LRGUK: variants seen among roughly 807,000 people sequenced by gnomAD.
LRGUK encodes leucine-rich repeat and guanylate kinase domain-containing protein.
A neutral mutation model predicts 76.0 loss-of-function variants in LRGUK; 65 were observed. The ratio of observed to expected loss-of-function variants is 0.85; its 90% CI spans 0.70 to 1.05. The LOEUF is 1.05. LRGUK is among the 50% of genes least tolerant of loss of function. The pLI, the probability that LRGUK is intolerant of heterozygous loss-of-function variation, is 0.00. For synonymous variants in LRGUK, 268 were observed against 265.6 expected (o/e 1.01, Z -0.09); for missense variants, 758 against 732.8 (o/e 1.03, Z -0.40).
the LRGUK span, among the ~76,000 whole-genome samples, chr7:134,276,175 A>G: frequency 6.6e-6 from 1 of 152,384 alleles, no homozygotes; most frequent in South Asian, 2.1e-4. Context: ...CATTAAATAC[A>G]GTCTTGAGTT....
intron 5 of LRGUK, among the ~76,000 whole-genome samples, chr7:134,156,080 A>C (rs1446146627): frequency 6.6e-6 from 1 of 152,242 alleles, no homozygotes; most frequent in African/African-American, 2.4e-5. Flanking sequence ...CTCTCTCAGT[A>C]GTATAAAAGT....
downstream of LRGUK, among the ~76,000 whole-genome samples, chr7:134,214,814 A>T (rs1801394024): frequency 1.4e-5 from 2 of 140,880 alleles, no homozygotes; most frequent in Admixed American, 7.3e-5. Flanking sequence ...ACACACACAC[A>T]CTTTGAAGAG....
At chr7:134,225,664 G>A (rs764715002) in intron 16 of LRGUK, among the ~76,000 whole-genome samples, 4 of 152,166 alleles carry the variant, frequency 2.6e-5, no homozygotes, top group Non-Finnish European at 4.4e-5. Flanking sequence ...ATATATGTGG[G>A]TGAATTCACC....
exon 7 of LRGUK, chr7:134,163,518 T>C (rs367931004): frequency 6.2e-7 from 1 of 1,612,574 alleles, no homozygotes. Flanking sequence ...CTCCTGGAAG[T>C]GATCAACCTG....
intron 4 of LRGUK, among the ~76,000 whole-genome samples, chr7:134,144,140 A>C (rs182845060): frequency 1.3e-5 from 2 of 152,034 alleles, no homozygotes; most frequent in African/African-American, 4.8e-5. Flanking sequence ...TCTCACCACA[A>C]CTTCAGCCTC....
intron 19 of LRGUK, among the ~76,000 whole-genome samples, chr7:134,258,665 C>T (rs1229336912): frequency 2.0e-5 from 3 of 151,658 alleles, no homozygotes; most frequent in Non-Finnish European, 2.9e-5. Flanking sequence ...CACTACTGCA[C>T]TCCTGGGTAA....
intron 2 of LRGUK, among the ~76,000 whole-genome samples, chr7:134,137,782 C>T (rs959455047): frequency 2.6e-5 from 4 of 151,886 alleles, no homozygotes; most frequent in African/African-American, 7.3e-5. Flanking sequence ...CAATTTAAGT[C>T]GTTGTGCCTC....
At chr7:134,267,456 TC>T (rs1802875675), downstream of LRGUK, among the ~76,000 whole-genome samples, 1 of 152,162 alleles carries the variant, frequency 6.6e-6, no homozygotes, top group South Asian at 2.1e-4. Flanking sequence ...CCCACTATAA[TC>T]TCATCTTGAA....
downstream of LRGUK, among the ~76,000 whole-genome samples, chr7:134,268,242 G>T (rs1245518432): frequency 3.3e-5 from 5 of 151,894 alleles, no homozygotes; most frequent in Non-Finnish European, 7.4e-5. Context: ...AGATGAAGAT[G>T]ATATATTTTA....
the LRGUK span, among the ~76,000 whole-genome samples, chr7:134,274,719 G>A: frequency 1.3e-5 from 2 of 152,110 alleles, no homozygotes; most frequent in Admixed American, 1.3e-4. Context: ...CAATGGAAAA[G>A]AGTCCTTTTT....
chr7:134,153,164 A>T (rs1295166536), intron 5 of LRGUK, among the ~76,000 whole-genome samples: 2 of 152,114 alleles, frequency 1.3e-5, no homozygotes, highest in African/African-American at 4.8e-5. Context: ...GTAAAAATTT[A>T]AAAACCTGAA....
intron 13 of LRGUK, among the ~76,000 whole-genome samples, chr7:134,197,615 C>T (rs936678449): frequency 6.6e-6 from 1 of 152,098 alleles, no homozygotes; most frequent in Non-Finnish European, 1.5e-5. Context: ...GATGTGTGGG[C>T]TGTGCTGCCA....
intron 10 of LRGUK, 63 bp from the exon 11 acceptor site, chr7:134,183,671 A>G: frequency 6.3e-7 from 1 of 1,596,776 alleles, no homozygotes; most frequent in Non-Finnish European, 8.6e-7. Context: ...GGCCTAATGG[A>G]TGTAGTTAAT....
intron 15 of LRGUK, among the ~76,000 whole-genome samples, chr7:134,206,230 A>G (rs924529880): frequency 2.6e-5 from 4 of 152,234 alleles, no homozygotes; most frequent in East Asian, 3.8e-4. Context: ...TTTAAAATAC[A>G]TATCAGCCAG....
intron 7 of LRGUK, among the ~76,000 whole-genome samples, chr7:134,172,850 G>A (rs891103945): frequency 2.0e-5 from 3 of 152,004 alleles, no homozygotes; most frequent in South Asian, 2.1e-4. Context: ...GCTTGGCAGT[G>A]CACACTTGTA....
downstream of LRGUK, among the ~76,000 whole-genome samples, chr7:134,269,333 T>C (rs957572891): frequency 2.0e-5 from 3 of 150,866 alleles, no homozygotes; most frequent in South Asian, 6.3e-4. Context: ...GAGAACATAC[T>C]CTATATGATT....
chr7:134,276,322 G>A, the LRGUK span, among the ~76,000 whole-genome samples: 1 of 152,226 alleles, frequency 6.6e-6, no homozygotes, highest in African/African-American at 2.4e-5. Flanking sequence ...ATTATAGAAT[G>A]ATTCACTGTG....
At chr7:134,258,535 T>TA (rs1227917642) in intron 19 of LRGUK, 130 bp downstream of exon 19, 1 of 806,764 alleles carries the variant, frequency 1.2e-6, no homozygotes, top group Non-Finnish European at 1.8e-6. Context: ...CCATCTCTAC[T>TA]AAAAATACAA....
At chr7:134,161,019 C>G (rs1401536492) in intron 6 of LRGUK, among the ~76,000 whole-genome samples, 1 of 151,984 alleles carries the variant, frequency 6.6e-6, no homozygotes, top group Non-Finnish European at 1.5e-5. Context: ...AGTAGGCTAT[C>G]TAATTAAACT....
Sources: gnomAD v4.1 joint callset for allele counts (sites outside exome capture counted in the v4.1 genomes callset) on GRCh38, gnomAD v4.1.1 for gene constraint, MANE v1.5 for transcripts, NCBI Gene and HGNC (gene_info 2026-07-23, HGNC 2026-07-21) for gene names.